Variants in DSE observed in about 807,000 individuals in gnomAD.
DSE encodes the protein dermatan sulfate epimerase, also known as dermatan-sulfate epimerase.
A neutral mutation model predicts 84.4 loss-of-function variants in DSE; 36 were observed. That is an observed-to-expected ratio of 0.43 (90% CI 0.33 to 0.56). The LOEUF is 0.56. DSE is among the 20% of genes least tolerant of loss of function. The pLI, the probability that DSE is intolerant of heterozygous loss-of-function variation, is 0.06. For missense variants in DSE, 862 were observed against 1,169.6 expected, an observed-to-expected ratio of 0.74 and a Z score of 3.84; for synonymous variants, 410 against 430.1, an observed-to-expected ratio of 0.95 and a Z score of 0.58.
intron 2 of DSE, among the ~76,000 whole-genome samples, chr6:116,350,583 G>A (rs1778247373): frequency 6.6e-6 from 1 of 152,084 alleles, no homozygotes. Flanking sequence ...AAGTCCAACT[G>A]ACACAATTGT....
chr6:116,369,649 C>T (rs1779385828), upstream of DSE, among the ~76,000 whole-genome samples: 1 of 152,194 alleles, frequency 6.6e-6, no homozygotes, highest in Admixed American at 6.5e-5. Flanking sequence ...GACAGGCCTT[C>T]CCTAAAGCAT....
intron 2 of DSE, among the ~76,000 whole-genome samples, chr6:116,310,579 A>G (rs976275302): frequency 8.6e-5 from 13 of 151,936 alleles, no homozygotes; most frequent in Non-Finnish European, 1.9e-4. Flanking sequence ...CCAAGGAGTC[A>G]TCCTTCATTT....
rs202091780 is a variant in DSE, at chr6:116,279,368, C to A, written c.-54+20401C>A. ...ACGGTGGCGCACTTTCCTGTCTTCA[C>A]CTCCTCCGCCTCAGCCTCCGCCCCC... On this transcript the variant is annotated intron_variant, in intron 2 of 3. Transcript: ENST00000430252. 10 of 1,612,224 alleles carry A rather than the reference C, an allele frequency of 6.2e-6. No homozygotes were observed. The highest frequency in any genetic ancestry group is 1.3e-5 in the African/African-American group (1 of 75,050).
intron 2 of DSE, among the ~76,000 whole-genome samples, chr6:116,273,932 C>G (rs892313784): frequency 6.6e-6 from 1 of 150,702 alleles, no homozygotes; most frequent in Non-Finnish European, 1.5e-5. Context: ...TGGGTTCAAG[C>G]GATTCTCCTG....
chr6:116,433,356 T>C lies in DSE; in HGVS notation c.924T>C (p.Thr308=). 6.4e-7 allele frequency: 1 copy of C among 1,551,312 alleles called. No individual in the cohort carries two copies. The highest frequency in any genetic ancestry group is 1.2e-5 in the South Asian group (1 of 84,046). ...TTATTTCCCTAGGGTTTCAAAGGAC[T>C]GTGGCTATTGCGGACTCAAATTACA... The part of the protein sequence containing the change: ...YRTILPGFQR[T]VAIADSNYNW... Residue 308 remains threonine (T), a synonymous_variant, in exon 5 of 6, where the codon ACT becomes ACC. Transcript: ENST00000644252.
intron 2 of DSE, among the ~76,000 whole-genome samples, chr6:116,280,862 A>G (rs1773482883): frequency 6.6e-6 from 1 of 152,234 alleles, no homozygotes; most frequent in Non-Finnish European, 1.5e-5. Context: ...GTAGAAAACA[A>G]ACTTGCAAAG....
intron 1 of DSE, among the ~76,000 whole-genome samples, chr6:116,384,891 G>A (rs2114957234): frequency 6.6e-6 from 1 of 152,248 alleles, no homozygotes; most frequent in African/African-American, 2.4e-5. Context: ...AGATTAGAAG[G>A]TCATAAGTGC....
At chr6:116,425,630 T>A (rs1224967474) in intron 2 of DSE, among the ~76,000 whole-genome samples, 4 of 24,966 alleles carry the variant, frequency 1.6e-4, no homozygotes, top group African/African-American at 5.4e-4. Flanking sequence ...TTTTATTTTA[T>A]TTTTTTTTTT....
chr6:116,395,252 C>T (rs1239716013), intron 1 of DSE, among the ~76,000 whole-genome samples: 2 of 152,114 alleles, frequency 1.3e-5, no homozygotes, highest in African/African-American at 4.8e-5. Flanking sequence ...GGTGAAACCC[C>T]ATCTCTACTA....
chr6:116,274,528 C>T (rs138708115), intron 2 of DSE, among the ~76,000 whole-genome samples: 232 of 150,918 alleles, frequency 1.5e-3, no homozygotes, highest in African/African-American at 5.3e-3. Flanking sequence ...TGCCATGAGC[C>T]GAGATGGTGC....
At chr6:116,341,774 G>C (rs530020087) in intron 2 of DSE, among the ~76,000 whole-genome samples, 1 of 152,094 alleles carries the variant, frequency 6.6e-6, no homozygotes, top group Non-Finnish European at 1.5e-5. Context: ...TCTTATTTTT[G>C]TCAGGTTTGT....
intron 2 of DSE, chr6:116,278,661 G>A: frequency 1.9e-6 from 3 of 1,614,130 alleles, no homozygotes; most frequent in Non-Finnish European, 2.5e-6. Flanking sequence ...CAGCAATTTT[G>A]TCGGACTCTG....
intron 2 of DSE, among the ~76,000 whole-genome samples, chr6:116,275,798 C>CAAA (rs386408358): frequency 1.5e-3 from 153 of 105,494 alleles, no homozygotes; most frequent in African/African-American, 1.7e-3. Flanking sequence ...GACTCTATCT[C>CAAA]AAAAAAAAAA....
At chr6:116,429,422 C>G in intron 3 of DSE, among the ~76,000 whole-genome samples, 1 of 152,130 alleles carries the variant, frequency 6.6e-6, no homozygotes, top group East Asian at 1.9e-4. Context: ...TGTGGCTACA[C>G]CCACACCAGG....
chr6:116,350,082 A>G (rs886197228), intron 2 of DSE, among the ~76,000 whole-genome samples: 4 of 152,206 alleles, frequency 2.6e-5, no homozygotes, highest in Non-Finnish European at 5.9e-5. Flanking sequence ...TAGGAATCTG[A>G]ACTTATAATT....
At chr6:116,421,794 A>G (rs992269503) in intron 2 of DSE, among the ~76,000 whole-genome samples, 2 of 152,054 alleles carry the variant, frequency 1.3e-5, no homozygotes, top group African/African-American at 4.8e-5. Context: ...AAATAGAAGG[A>G]AGGTGTTGTT....
chr6:116,266,273 T>A (rs1483084195), intron 2 of DSE, among the ~76,000 whole-genome samples: 1 of 152,208 alleles, frequency 6.6e-6, no homozygotes, highest in Admixed American at 6.5e-5. Flanking sequence ...TTGCCGACAT[T>A]ATTGGACAAC....
intron 3 of DSE, among the ~76,000 whole-genome samples, chr6:116,428,133 G>A (rs1053616090): frequency 6.6e-6 from 1 of 152,202 alleles, no homozygotes. Flanking sequence ...AGGTTGCAGT[G>A]AGCCAAGATC....
In DSE at chr6:116,439,206, GAGGTTACC is replaced by G. The variant is rs959106009; in HGVS notation, c.*1863_*1870del. The G allele has an allele frequency of 3.3e-5, 5 of 151,980 alleles. No individual in the cohort carries two copies. Among genetic ancestry groups the G allele is most frequent in the African/African-American group, 1.2e-4 (5 of 41,390 alleles). 9.4% of individuals were successfully genotyped at this position (151,980 alleles called of 1,614,324 possible). On this transcript the variant is annotated 3_prime_UTR_variant, in exon 6 of 6. Transcript: ENST00000644252. ...AAAAAAAAAAGGAAAATTATTCTTTGAGGTTACCAAGCAAACCTGATCTCAGATCCAAA... is the reference window on the plus strand; with the variant it reads ...AAAAAAAAAAGGAAAATTATTCTTTGAAGCAAACCTGATCTCAGATCCAAA...
Sources: gnomAD v4.1 joint callset for allele counts (sites outside exome capture counted in the v4.1 genomes callset) on GRCh38, gnomAD v4.1.1 for gene constraint, MANE v1.5 for transcripts, NCBI Gene and HGNC (gene_info 2026-07-23, HGNC 2026-07-21) for gene names.